The following PCED1B variants were observed in gnomAD, a reference collection of about 807,000 sequenced individuals.
The protein encoded by PCED1B is PC-esterase domain containing 1B, also known as PC-esterase domain-containing protein 1B.
For missense variants in PCED1B, 573 were observed against 573.9 expected, an observed-to-expected ratio of 1.00 and a Z score of 0.02; for synonymous variants, 251 against 246.1, an observed-to-expected ratio of 1.02 and a Z score of -0.19.
intron 3 of PCED1B, among the ~76,000 whole-genome samples, chr12:47,220,069 A>AG (rs1943428107): frequency 3.7e-5 from 2 of 54,726 alleles, no homozygotes; most frequent in Non-Finnish European, 9.2e-5. Flanking sequence ...ACACTGCCTC[A>AG]AAAAAAAAAA....
intron 2 of PCED1B, among the ~76,000 whole-genome samples, chr12:47,207,421 AG>A (rs988733224): frequency 6.6e-5 from 10 of 152,092 alleles, no homozygotes; most frequent in Admixed American, 5.2e-4. Flanking sequence ...TGTGAGGCCC[AG>A]GGGCACACCT....
intron 2 of PCED1B, among the ~76,000 whole-genome samples, chr12:47,191,810 C>A (rs10881073): frequency 3.3e-5 from 5 of 149,772 alleles, no homozygotes; most frequent in African/African-American, 1.2e-4. Flanking sequence ...TTGTGTTGTG[C>A]TTTTTTTTTT....
chr12:47,170,997 T>C (rs980775209), intron 2 of PCED1B, among the ~76,000 whole-genome samples: 4 of 152,096 alleles, frequency 2.6e-5, no homozygotes, highest in African/African-American at 9.7e-5. Context: ...CACTCTTTTT[T>C]TCACTGTTCC....
At chr12:47,222,276 G>T (rs1000526482) in intron 3 of PCED1B, among the ~76,000 whole-genome samples, 4 of 151,462 alleles carry the variant, frequency 2.6e-5, no homozygotes, top group African/African-American at 9.7e-5. Flanking sequence ...AAAAAAATTA[G>T]CCGGGCGTGG....
intron 2 of PCED1B, among the ~76,000 whole-genome samples, chr12:47,124,103 G>T (rs560425726): frequency 1.0e-3 from 157 of 152,002 alleles, no homozygotes; most frequent in African/African-American, 3.6e-3. Context: ...TGCCCACAAG[G>T]CTAACACTAC....
At chr12:47,229,386 C>T (rs1943730236) in intron 3 of PCED1B, among the ~76,000 whole-genome samples, 1 of 151,330 alleles carries the variant, frequency 6.6e-6, no homozygotes, top group Non-Finnish European at 1.5e-5. Flanking sequence ...TGTACTTCAG[C>T]CTGGGCACCA....
intron 2 of PCED1B, among the ~76,000 whole-genome samples, chr12:47,118,481 G>T (rs1314535962): frequency 6.6e-6 from 1 of 152,192 alleles, no homozygotes; most frequent in Non-Finnish European, 1.5e-5. Flanking sequence ...TGTCAGGTTT[G>T]TCAAAGATCA....
intron 1 of PCED1B, among the ~76,000 whole-genome samples, chr12:47,097,936 G>A (rs1459948823): frequency 6.6e-6 from 1 of 152,180 alleles, no homozygotes; most frequent in African/African-American, 2.4e-5. Flanking sequence ...GCTCCAAATT[G>A]TTATCCATGC....
At chr12:47,117,984 G>T (rs1398629036) in intron 2 of PCED1B, among the ~76,000 whole-genome samples, 1 of 152,178 alleles carries the variant, frequency 6.6e-6, no homozygotes, top group African/African-American at 2.4e-5. Context: ...TCTGTTGGCT[G>T]CATAAATGTC....
At chr12:47,119,166 G>T (rs936115516) in intron 2 of PCED1B, among the ~76,000 whole-genome samples, 5 of 152,000 alleles carry the variant, frequency 3.3e-5, no homozygotes, top group African/African-American at 1.2e-4. Flanking sequence ...ATAGTGCTGG[G>T]ACAACTGCAT....
chr12:47,136,520 A>G (rs1197825635), intron 2 of PCED1B, among the ~76,000 whole-genome samples: 1 of 152,228 alleles, frequency 6.6e-6, no homozygotes, highest in Non-Finnish European at 1.5e-5. Flanking sequence ...TAGCTGGGAA[A>G]GAAACCAAAT....
rs1466104806 is a variant in PCED1B, at chr12:47,118,167, T to C, written c.-526+13972T>C. Among the ~76,000 whole-genome samples the C allele has an allele frequency of 4.6e-5, 7 of 152,354 alleles. No homozygotes were observed. In the East Asian group the frequency reaches 1.3e-3, roughly 29 times the overall value. The stretch of plus-strand genomic sequence containing the variant: ...CCTGTTCACTCTGATGGTAATTTCT[T>C]TTGCTGTGCAGAAGCTCTTTAGTTT... On this transcript the variant is annotated intron_variant, in intron 2 of 3. Transcript: ENST00000546455.
At chr12:47,085,840 A>G (rs1937954638) in intron 1 of PCED1B, among the ~76,000 whole-genome samples, 1 of 152,156 alleles carries the variant, frequency 6.6e-6, no homozygotes, top group Non-Finnish European at 1.5e-5. Context: ...ATGTGCATCA[A>G]TGTTTCTGCT....
At chr12:47,162,121 TGG>T (rs533931664) in intron 2 of PCED1B, among the ~76,000 whole-genome samples, 1,988 of 111,384 alleles carry the variant, frequency 0.018, 46 homozygotes, top group African/African-American at 0.064. Flanking sequence ...TGTGGGGTGG[TGG>T]GGGGGGGAAG....
At chr12:47,186,143 A>AG (rs1265667852) in intron 2 of PCED1B, among the ~76,000 whole-genome samples, 1 of 150,832 alleles carries the variant, frequency 6.6e-6, no homozygotes, top group East Asian at 2.0e-4. Context: ...GCTTGAACCC[A>AG]GGGGGCAGGG....
chr12:47,118,914 G>T (rs1013146421), intron 2 of PCED1B, among the ~76,000 whole-genome samples: 2 of 152,146 alleles, frequency 1.3e-5, no homozygotes, highest in African/African-American at 4.8e-5. Flanking sequence ...CACATCCCTT[G>T]TAAGTTAGAT....
At chr12:47,098,306 C>A (rs116273854) in intron 1 of PCED1B, among the ~76,000 whole-genome samples, 1 of 152,176 alleles carries the variant, frequency 6.6e-6, no homozygotes, top group Non-Finnish European at 1.5e-5. Flanking sequence ...AGCTCCCAAC[C>A]AGCGAGGGCT....
intron 1 of PCED1B, among the ~76,000 whole-genome samples, chr12:47,082,048 GT>G (rs1013308628): frequency 6.6e-6 from 1 of 152,212 alleles, no homozygotes; most frequent in Non-Finnish European, 1.5e-5. Flanking sequence ...AAAGGATTGA[GT>G]TTACTAGCTG....
In PCED1B at chr12:47,235,613, C is replaced by T. The variant is rs147027497; in HGVS notation, c.550C>T (p.Gln184Ter). The T allele has an allele frequency of 1.9e-6, 3 of 1,609,582 alleles. No individual in the cohort carries two copies. Among genetic ancestry groups the T allele is most frequent in the African/African-American group, 2.7e-5 (2 of 74,856 alleles). ...TTTTCTTCCGCCCAAGCTCCGGCGG[C>T]AGAAGGCCACCTTCCTGAAAAACGA... ...GGFLPPKLRRQKATFLKNEVV... is the reference protein window; with the variant it reads ...GGFLPPKLRR Residue 184 changes from glutamine to a stop codon, truncating the protein, a stop_gained, in exon 4 of 4, where the codon CAG becomes TAG. Transcript: ENST00000546455. LOFTEE classifies it low-confidence loss of function (END_TRUNC).
Sources: gnomAD v4.1 joint callset for allele counts (sites outside exome capture counted in the v4.1 genomes callset) on GRCh38, gnomAD v4.1.1 for gene constraint, MANE v1.5 for transcripts, NCBI Gene and HGNC (gene_info 2026-07-23, HGNC 2026-07-21) for gene names.